KCNT2: variants seen among roughly 807,000 people sequenced by gnomAD.
KCNT2 encodes potassium sodium-activated channel subfamily T member 2.
KCNT2 carries 67 observed loss-of-function variants against 153.8 expected under a neutral mutation model. That is an observed-to-expected ratio of 0.44 (90% CI 0.36 to 0.53). The LOEUF (loss-of-function observed/expected upper bound fraction) is 0.53, where lower values mean the gene tolerates loss of function less well. Among genes scored for constraint, KCNT2 ranks in the 20% least tolerant of loss-of-function variants. The pLI is 0.00. For synonymous variants in KCNT2, 500 were observed against 458.8 expected, an observed-to-expected ratio of 1.09 and a Z score of -1.15; for missense variants, 975 against 1,354.8, an observed-to-expected ratio of 0.72 and a Z score of 4.40.
intron 27 of KCNT2, among the ~76,000 whole-genome samples, chr1:196,234,161 G>A (rs1654204744): frequency 1.3e-5 from 2 of 151,206 alleles, no homozygotes; most frequent in South Asian, 4.1e-4. Flanking sequence ...AATATCACAT[G>A]TACCTCATAA....
At chr1:196,436,164 G>A (rs1010989002) in intron 8 of KCNT2, among the ~76,000 whole-genome samples, 1 of 151,110 alleles carries the variant, frequency 6.6e-6, no homozygotes, top group African/African-American at 2.4e-5. Context: ...CCATTATAGA[G>A]TACCTATATA....
At chr1:196,483,153 A>G (rs1255253655) in intron 3 of KCNT2, among the ~76,000 whole-genome samples, 1 of 152,166 alleles carries the variant, frequency 6.6e-6, no homozygotes, top group African/African-American at 2.4e-5. Flanking sequence ...TTTCGCATTT[A>G]AGTAAACGGT....
intron 23 of KCNT2, among the ~76,000 whole-genome samples, chr1:196,283,176 G>A (rs979958882): frequency 6.6e-6 from 1 of 152,174 alleles, no homozygotes; most frequent in African/African-American, 2.4e-5. Context: ...TAAGGAGGTG[G>A]CTCATGCCTG....
intron 26 of KCNT2, among the ~76,000 whole-genome samples, chr1:196,250,558 T>C (rs994936407): frequency 1.3e-5 from 2 of 152,206 alleles, no homozygotes; most frequent in East Asian, 3.9e-4. Flanking sequence ...TTCAGGACAT[T>C]GGACTGGGTA....
intron 1 of KCNT2, among the ~76,000 whole-genome samples, chr1:196,496,517 G>A (rs1050604411): frequency 6.6e-6 from 1 of 150,656 alleles, no homozygotes; most frequent in African/African-American, 2.4e-5. Flanking sequence ...TTTCACCATA[G>A]GCTAATTGAT....
chr1:196,557,749 C>A (rs945138154), intron 1 of KCNT2, among the ~76,000 whole-genome samples: 1 of 151,196 alleles, frequency 6.6e-6, no homozygotes, highest in Non-Finnish European at 1.5e-5. Context: ...AAAAAAACTT[C>A]AATTTTTTGA....
chr1:196,547,317 C>T (rs1057378124), intron 1 of KCNT2, among the ~76,000 whole-genome samples: 1 of 151,728 alleles, frequency 6.6e-6, no homozygotes, highest in Non-Finnish European at 1.5e-5. Context: ...ATTTTGGAAT[C>T]AAATGTGAAT....
At chr1:196,354,471 A>G (rs1166783352) in intron 14 of KCNT2, among the ~76,000 whole-genome samples, 2 of 151,800 alleles carry the variant, frequency 1.3e-5, no homozygotes, top group Non-Finnish European at 2.9e-5. Context: ...ACCTTGTCAC[A>G]AGATAACTTT....
intron 22 of KCNT2, among the ~76,000 whole-genome samples, chr1:196,302,650 G>T (rs1425475182): frequency 6.6e-6 from 1 of 151,478 alleles, no homozygotes; most frequent in Non-Finnish European, 1.5e-5. Flanking sequence ...CCATAAATTA[G>T]AACCCACACT....
At chr1:196,318,494 C>T (rs544829867) in intron 20 of KCNT2, among the ~76,000 whole-genome samples, 8 of 151,762 alleles carry the variant, frequency 5.3e-5, no homozygotes, top group South Asian at 2.1e-4. Context: ...GTATATGGGA[C>T]GTTTATTCTT....
chr1:196,457,593 G>C (rs927900020), intron 8 of KCNT2, among the ~76,000 whole-genome samples: 6 of 150,852 alleles, frequency 4.0e-5, no homozygotes, highest in Non-Finnish European at 8.9e-5. Context: ...AGTAATTAAG[G>C]AAGTTAATAA....
chr1:196,561,008 A>G (rs1377941725), intron 1 of KCNT2, among the ~76,000 whole-genome samples: 1 of 151,838 alleles, frequency 6.6e-6, no homozygotes, highest in East Asian at 1.9e-4. Context: ...TTGTTTTTCC[A>G]TGTGAAAAGA....
intron 14 of KCNT2, among the ~76,000 whole-genome samples, chr1:196,366,244 C>G (rs919036344): frequency 2.6e-5 from 4 of 151,906 alleles, no homozygotes; most frequent in Non-Finnish European, 5.9e-5. Context: ...ACCGCAGCCT[C>G]TGCCTCCTGG....
chr1:196,444,546 AAAG>A (rs1675525137), intron 8 of KCNT2, among the ~76,000 whole-genome samples: 1 of 151,414 alleles, frequency 6.6e-6, no homozygotes, highest in Non-Finnish European at 1.5e-5. Flanking sequence ...TACTGGTTAT[AAAG>A]AAGATTTAAT....
At chr1:196,298,528 T>G (rs1255418805) in intron 22 of KCNT2, among the ~76,000 whole-genome samples, 1 of 152,126 alleles carries the variant, frequency 6.6e-6, no homozygotes, top group African/African-American at 2.4e-5. Context: ...ACTGTGATGT[T>G]GGGGTGCCCC....
chr1:196,422,985 T>C (rs1054780335), intron 12 of KCNT2, 65 bp downstream of exon 12: 2 of 1,108,462 alleles, frequency 1.8e-6, no homozygotes, highest in Non-Finnish European at 2.6e-6. Context: ...TTTTAAAAAC[T>C]CAAATTAAAA....
At chr1:196,403,378 G>T (rs1172097562) in intron 12 of KCNT2, among the ~76,000 whole-genome samples, 2 of 151,592 alleles carry the variant, frequency 1.3e-5, no homozygotes, top group African/African-American at 4.8e-5. Context: ...AGAGGTCAGT[G>T]GTTGCCAGGT....
In KCNT2 at chr1:196,314,924, T is replaced by C. The variant is rs1233934040; in HGVS notation, c.2483+968A>G. 2.6e-5 allele frequency among the ~76,000 whole-genome samples: 4 copies of C among 151,884 alleles called. No individual in the cohort carries two copies. The East Asian group carries it at 7.8e-4, about 29-fold the overall frequency. On this transcript the variant is annotated intron_variant, in intron 21 of 27. Coordinates refer to ENST00000294725, the MANE Select transcript of KCNT2 (RefSeq NM_198503.5). Reference sequence around the variant, plus strand: ...GCATTGCATGTTTCTAAATCTTTAATAATATTGTGATTAATATATTGAGAT... The same window carrying C: ...GCATTGCATGTTTCTAAATCTTTAACAATATTGTGATTAATATATTGAGAT...
chr1:196,234,811 A>T (rs1401422476), intron 27 of KCNT2, among the ~76,000 whole-genome samples: 1 of 151,476 alleles, frequency 6.6e-6, no homozygotes, highest in Non-Finnish European at 1.5e-5. Context: ...GATTACAGAC[A>T]CAAACACATC....
Sources: allele counts gnomAD v4.1 joint callset (sites outside exome capture counted in the v4.1 genomes callset), GRCh38; gene constraint gnomAD v4.1.1; transcripts MANE v1.5; gene names NCBI Gene and HGNC (gene_info 2026-07-23, HGNC 2026-07-21).